The following FIGN variants were observed in gnomAD, a reference collection of about 807,000 sequenced individuals.
FIGN encodes fidgetin, microtubule severing factor.
A neutral mutation model predicts 51.3 loss-of-function variants in FIGN; 11 were observed. The observed-to-expected ratio is 0.21, with a 90% CI of 0.13 to 0.35. The LOEUF is 0.35. Ranked by LOEUF, FIGN falls within the 10% of genes least tolerant of loss-of-function variation. The probability of loss-of-function intolerance (pLI) is 1.00; values close to 1 mark genes in which losing one functional copy is unlikely to be tolerated. For synonymous variants in FIGN, 407 were observed against 363.2 expected, an observed-to-expected ratio of 1.12 and a Z score of -1.37; for missense variants, 857 against 943.6, an observed-to-expected ratio of 0.91 and a Z score of 1.20.
intron 2 of FIGN, among the ~76,000 whole-genome samples, chr2:163,636,751 A>C (rs1167129584): frequency 6.6e-6 from 1 of 152,202 alleles, no homozygotes; most frequent in East Asian, 1.9e-4. Context: ...GAGGAAAACT[A>C]ACTGTAATAT....
At chr2:163,661,308 C>A (rs1015043080) in intron 2 of FIGN, among the ~76,000 whole-genome samples, 1 of 151,630 alleles carries the variant, frequency 6.6e-6, no homozygotes, top group African/African-American at 2.4e-5. Context: ...GATGTGATCT[C>A]GGCTCACTGC....
intron 2 of FIGN, among the ~76,000 whole-genome samples, chr2:163,728,793 C>A (rs1684882021): frequency 6.6e-6 from 1 of 152,088 alleles, no homozygotes; most frequent in South Asian, 2.1e-4. Context: ...CAATACAGGG[C>A]CCTGCATTTT....
At chr2:163,727,646 C>G (rs1460678) in intron 2 of FIGN, among the ~76,000 whole-genome samples, 16,638 of 152,142 alleles carry the variant, frequency 0.11, 987 homozygotes, top group Middle Eastern at 0.17. Flanking sequence ...ACTTTCACCC[C>G]AGTCTTGGAT....
intron 2 of FIGN, among the ~76,000 whole-genome samples, chr2:163,707,366 C>A (rs200084383): frequency 2.9e-5 from 4 of 138,536 alleles, no homozygotes; most frequent in African/African-American, 1.1e-4. Flanking sequence ...AAAAAAAAAA[C>A]AAAAAAAGAA....
At chr2:163,633,905 GC>G (rs1683186511) in intron 2 of FIGN, among the ~76,000 whole-genome samples, 1 of 152,128 alleles carries the variant, frequency 6.6e-6, no homozygotes, top group Non-Finnish European at 1.5e-5. Context: ...AGGCATTCTA[GC>G]TTTTCCCTTT....
rs201919385 is a variant in FIGN at position 163,610,846 on chromosome 2, A to G, written c.986T>C (p.Met329Thr). 9.3e-6 allele frequency: 15 copies of G among 1,613,904 alleles called. No individual in the cohort carries two copies. The Admixed American group carries it at 1.5e-4, about 16-fold the overall frequency. Residue 329 changes from methionine (M) to threonine (T), a missense_variant, in exon 3 of 3, where the codon ATG becomes ACG. Physicochemically the swap from Met to Thr is moderately conservative, Grantham distance 81. Around this residue, in one of 3 missense-constraint regions of FIGN, gnomAD observed 799 missense variants for 849.5 expected, o/e 0.94. Transcript: ENST00000333129. ...KAFYMAGQGDMDSSYGNYSYG... is the reference protein window; with the variant it reads ...KAFYMAGQGDTDSSYGNYSYG... ...GCTGTAATTTCCATAACTGGAGTCC[A>G]TATCTCCTTGCCCTGCCATGTAGAA...
intron 2 of FIGN, among the ~76,000 whole-genome samples, chr2:163,730,156 G>A (rs1031972813): frequency 6.6e-6 from 1 of 152,114 alleles, no homozygotes; most frequent in Non-Finnish European, 1.5e-5. Context: ...GAACTTCAAT[G>A]TACCATTTAT....
intron 2 of FIGN, among the ~76,000 whole-genome samples, chr2:163,706,874 CA>C: frequency 6.6e-6 from 1 of 151,668 alleles, no homozygotes; most frequent in South Asian, 2.1e-4. Context: ...TTAAAACAAA[CA>C]AAAAAAATTA....
Position 163,609,870 on chromosome 2 carries a change from G to A in FIGN, c.1962C>T (p.Asp654=), listed in dbSNP as rs532621330. ...FMKRLLIPLP[D]STARHQIIVQ... ...CTATTATCTGGTGCCTCGCTGTGCT[G>A]TCAGGAAGTGGGATTAAAAGTCGTT... The change falls in exon 3 of 3, where the codon GAC becomes GAT. Residue 654 remains aspartate, a synonymous_variant. Transcript: ENST00000333129. 2.5e-6 allele frequency: 4 copies of A among 1,614,168 alleles called. No individual in the cohort carries two copies. In the South Asian group the frequency reaches 3.3e-5, roughly 13 times the overall value.
chr2:163,675,037 T>A (rs1036935726), intron 2 of FIGN, among the ~76,000 whole-genome samples: 26 of 152,210 alleles, frequency 1.7e-4, no homozygotes, highest in African/African-American at 6.0e-4. Context: ...TCTTTATCTA[T>A]GAAAGTATTT....
At chr2:163,731,714 G>GA (rs35314562) in intron 2 of FIGN, among the ~76,000 whole-genome samples, 2,639 of 139,242 alleles carry the variant, frequency 0.019, 50 homozygotes, top group African/African-American at 0.046. Context: ...TCTATTTTCA[G>GA]AAAAAAAAAA....
At position 163,656,334 on chromosome 2, in the gene FIGN, A is replaced by C. The variant is rs560896768; in HGVS notation, c.26-44528T>G. On this transcript the variant is annotated intron_variant, in intron 2 of 2. Transcript: ENST00000333129. The stretch of plus-strand genomic sequence containing the variant: ...TTTAAGGGAGGCATTGTGACATGTC[A>C]CTCTAAATTGAGTGAGATTAGAAAT... 2.6e-5 allele frequency among the ~76,000 whole-genome samples: 4 copies of C among 152,230 alleles called. No individual in the cohort carries two copies. The East Asian group carries it at 7.7e-4, about 29-fold the overall frequency.
chr2:163,729,083 C>T (rs964278661), intron 2 of FIGN, among the ~76,000 whole-genome samples: 13 of 152,074 alleles, frequency 8.5e-5, no homozygotes, highest in Admixed American at 1.3e-4. Context: ...GTAGAGTTTA[C>T]CCATTCTCAG....
rs1045360023 is a variant in FIGN, at chr2:163,617,006, T to G, written c.26-5200A>C. The G allele has an allele frequency of 1.4e-5, 9 of 643,546 alleles. No individual in the cohort carries two copies. The African/African-American group carries it at 1.8e-4, about 13-fold the overall frequency. The allele number at this position is 643,546 out of a possible 1,614,324, so 39.9% of individuals were successfully genotyped here. A position where few individuals can be genotyped will look rare whatever the true frequency, so the allele number is the denominator to read the frequency against. ...ATATCTACTTATTATCATTCTTCAA[T>G]GGGAGTGATGACCAAATGAAATGTT... On this transcript the variant is annotated intron_variant, in intron 2 of 2. Coordinates refer to ENST00000333129, the MANE Select transcript of FIGN (RefSeq NM_018086.4).
intron 2 of FIGN, among the ~76,000 whole-genome samples, chr2:163,676,905 G>A (rs555139784): frequency 1.3e-5 from 2 of 152,216 alleles, no homozygotes; most frequent in Admixed American, 6.5e-5. Flanking sequence ...CTCAAAATAT[G>A]TATGCAAGGA....
Position 163,611,383 on chromosome 2 carries a change from C to T in FIGN, c.449G>A (p.Ser150Asn), listed in dbSNP as rs1379021560. 6.2e-7 allele frequency: 1 copy of T among 1,614,152 alleles called. No individual in the cohort carries two copies. The highest frequency in any genetic ancestry group is 1.1e-5 in the South Asian group (1 of 91,084). The change falls in exon 3 of 3, where the codon AGC (serine) becomes AAC (asparagine). Residue 150 changes from serine (S) to asparagine (N), a missense_variant. Physicochemically the swap from Ser to Asn is conservative, Grantham distance 46. Transcript: ENST00000333129. ...PPADVSASIG[S>N]SPGVASNLTE... ...CAGGTTGCTGGCTACCCCAGGAGAG[C>T]TTCCTATACTCGCAGAGACATCTGC...
chr2:163,710,009 C>T (rs367752562), intron 2 of FIGN, among the ~76,000 whole-genome samples: 9 of 152,002 alleles, frequency 5.9e-5, no homozygotes, highest in South Asian at 4.1e-4. Flanking sequence ...AACTAATAAA[C>T]AATTGACTGA....
intron 2 of FIGN, among the ~76,000 whole-genome samples, chr2:163,657,115 GA>G (rs774955287): frequency 0.022 from 2,036 of 91,050 alleles, 27 homozygotes; most frequent in East Asian, 0.03. Context: ...TCCTCCAAGA[GA>G]AAAAAAAAAA....
chr2:163,633,561 C>T (rs1559003229), intron 2 of FIGN, among the ~76,000 whole-genome samples: 1 of 152,140 alleles, frequency 6.6e-6, no homozygotes, highest in Non-Finnish European at 1.5e-5. Flanking sequence ...AGAGGATTTC[C>T]AGGTTTCTTT....
Sources: allele counts gnomAD v4.1 joint callset (sites outside exome capture counted in the v4.1 genomes callset), GRCh38; gene constraint gnomAD v4.1.1; regional missense constraint gnomAD v4.1.1; transcripts MANE v1.5; gene names NCBI Gene and HGNC (gene_info 2026-07-23, HGNC 2026-07-21).